The following SFXN5 variants were observed in gnomAD, a reference collection of about 807,000 sequenced individuals.
The protein encoded by SFXN5 is sideroflexin 5, also known as sideroflexin-5.
A neutral mutation model predicts 50.2 loss-of-function variants in SFXN5; 43 were observed. That is an observed-to-expected ratio of 0.86 (90% confidence interval 0.67 to 1.11). The LOEUF is 1.11. Ranked by LOEUF, SFXN5 falls within the 50% of genes least tolerant of loss-of-function variation. SFXN5 has a pLI of 0.00. For missense variants in SFXN5, 463 were observed against 454.1 expected, an observed-to-expected ratio of 1.02 and a Z score of -0.18; for synonymous variants, 203 against 185.8, an observed-to-expected ratio of 1.09 and a Z score of -0.75.
rs1676693779 is a variant in SFXN5, at chr2:73,020,248, C to T, written c.348G>A (p.Gly116=). The part of the protein sequence containing the change: ...PFRMSGYIPF[G]TPIVVGLLLP... ...TGAAGGTAACACTTACAATTGGCGTCCCAAAAGGAATATAACCTGTGAACG... is the reference window on the plus strand; with the variant it reads ...TGAAGGTAACACTTACAATTGGCGTTCCAAAAGGAATATAACCTGTGAACG... The change falls in exon 6 of 14, where the codon GGG becomes GGA. Residue 116 remains glycine (G), a synonymous_variant. Transcript: ENST00000272433. 1.9e-6 allele frequency: 3 copies of T among 1,614,006 alleles called. No homozygotes were observed. The highest frequency in any genetic ancestry group is 2.5e-6 in the Non-Finnish European group (3 of 1,179,918).
rs747949729 is a variant in SFXN5, at chr2:73,000,445, G to C, written c.454C>G (p.Arg152Gly). The C allele has an allele frequency of 6.4e-7, 1 of 1,559,292 alleles. No individual in the cohort carries two copies. The highest frequency in any genetic ancestry group is 8.7e-7 in the Non-Finnish European group (1 of 1,150,324). Residue 152 changes from arginine to glycine, a missense_variant, in exon 8 of 14, where the codon CGC becomes GGC. Transcript: ENST00000272433. The part of the protein sequence containing the change: ...SHNACVNYAN[R>G]NATKPSPASK... Reference sequence around the variant, plus strand: ...GTGATGCTCACCTTGGTCGCATTGCGGTTTGCATAGTTGACACAGGCATTG... The same window carrying C: ...GTGATGCTCACCTTGGTCGCATTGCCGTTTGCATAGTTGACACAGGCATTG...
chr2:72,962,160 G>A (rs966024660), intron 12 of SFXN5, among the ~76,000 whole-genome samples: 1 of 152,246 alleles, frequency 6.6e-6, no homozygotes, highest in Non-Finnish European at 1.5e-5. Context: ...GGGGAGGCCT[G>A]GGATGACTAG....
In SFXN5 at chr2:72,967,853, T is replaced by C. The variant is rs1674626054; in HGVS notation, c.827+595A>G. Reference sequence around the variant, plus strand: ...GCCCCTTCAGTTTCGCACTCATTCATTAATAGAATCACTCCACTACTGTTA... The same window carrying C: ...GCCCCTTCAGTTTCGCACTCATTCACTAATAGAATCACTCCACTACTGTTA... On this transcript the variant is annotated intron_variant, in intron 12 of 13. Coordinates refer to ENST00000272433, the MANE Select transcript of SFXN5 (RefSeq NM_144579.3). Among the ~76,000 whole-genome samples the C allele has an allele frequency of 2.0e-5, 3 of 152,202 alleles. No homozygotes were observed. In the South Asian group the frequency reaches 6.2e-4, roughly 32 times the overall value.
chr2:73,034,698 T>C (rs992295986), intron 3 of SFXN5, among the ~76,000 whole-genome samples: 7 of 152,102 alleles, frequency 4.6e-5, no homozygotes, highest in Admixed American at 4.6e-4. Context: ...ACACTCCCCA[T>C]CACTCCAGTT....
rs987652009 is a variant in SFXN5, at chr2:72,942,686, G to A, written c.*2336C>T. ...CTGTCCCTCTGTCACCCTCACCCTA[G>A]GCTATCTGGATCCTTTGCCACTGCA... On this transcript the variant is annotated 3_prime_UTR_variant, in exon 14 of 14. Coordinates refer to ENST00000272433, the MANE Select transcript of SFXN5 (RefSeq NM_144579.3). 1.3e-5 allele frequency: 2 copies of A among 152,328 alleles called. No homozygotes were observed. Among genetic ancestry groups the A allele is most frequent in the African/African-American group, 4.8e-5 (2 of 41,446 alleles). The allele number at this position is 152,328 out of a possible 1,614,324, so 9.4% of individuals were successfully genotyped here.
At chr2:72,987,639 C>A (rs555516638) in intron 10 of SFXN5, among the ~76,000 whole-genome samples, 2 of 152,086 alleles carry the variant, frequency 1.3e-5, no homozygotes, top group African/African-American at 4.8e-5. Flanking sequence ...CCTGTAATCC[C>A]AGCTACTTGG....
chr2:72,966,433 G>A (rs1674411392), intron 12 of SFXN5, among the ~76,000 whole-genome samples: 1 of 152,150 alleles, frequency 6.6e-6, no homozygotes, highest in South Asian at 2.1e-4. Context: ...CTCAGTTCAC[G>A]AAGGGGCTAC....
intron 7 of SFXN5, among the ~76,000 whole-genome samples, chr2:73,001,321 G>A (rs562498117): frequency 2.1e-4 from 32 of 152,364 alleles, no homozygotes; most frequent in Admixed American, 1.2e-3. Flanking sequence ...ATGGTGGATT[G>A]AGACATGCTG....
chr2:73,009,922 C>G (rs868048023), intron 6 of SFXN5, among the ~76,000 whole-genome samples: 4 of 152,270 alleles, frequency 2.6e-5, no homozygotes, highest in Middle Eastern at 6.8e-3. Flanking sequence ...CTGGCATCTG[C>G]TGGGTTGGCC....
rs1274296663 is a variant in SFXN5, at chr2:73,026,807, C to A, written c.250-3593G>T. ...GCAATGGCACGGTCTTGGCTCACTG[C>A]AACCTCCACCTCCCAGGTTCAAGCG... On this transcript the variant is annotated intron_variant, in intron 3 of 13. Transcript: ENST00000272433. Among the ~76,000 whole-genome samples the A allele has an allele frequency of 2.6e-5, 4 of 152,200 alleles. No homozygotes were observed. The South Asian group carries it at 6.2e-4, about 24-fold the overall frequency.
intron 2 of SFXN5, among the ~76,000 whole-genome samples, chr2:73,054,950 A>T (rs910003264): frequency 1.1e-4 from 17 of 152,242 alleles, no homozygotes; most frequent in African/African-American, 4.1e-4. Context: ...AAGCAACTAA[A>T]ATACCTATGC....
intron 2 of SFXN5, among the ~76,000 whole-genome samples, chr2:73,053,085 G>A (rs1166406592): frequency 5.3e-5 from 8 of 151,820 alleles, no homozygotes; most frequent in Admixed American, 1.3e-4. Context: ...GCTGAAGCAC[G>A]AGAATTGCTT....
chr2:73,008,691 A>C (rs1305531609), intron 6 of SFXN5, among the ~76,000 whole-genome samples: 1 of 152,164 alleles, frequency 6.6e-6, no homozygotes, highest in Non-Finnish European at 1.5e-5. Context: ...AAGATACCTG[A>C]AGAAAGGGAG....
In SFXN5 at chr2:72,960,993, C is replaced by A; in HGVS notation, c.945+138G>T. ...GTGACCCTCACTCTGAGGGCCAGAG[C>A]CTGGGCCAGCCTCATTCACGGTTCC... On this transcript the variant is annotated intron_variant, in intron 13 of 13. Transcript: ENST00000272433. The surrounding 1 kb of genome is among the most constrained non-coding windows in gnomAD (Gnocchi z 6.1). 5.6e-6 allele frequency: 3 copies of A among 540,464 alleles called. No homozygotes were observed. Among genetic ancestry groups the A allele is most frequent in the Non-Finnish European group, 9.1e-6 (3 of 328,326 alleles). The allele number at this position is 540,464 out of a possible 1,614,324, so 33.5% of individuals were successfully genotyped here.
chr2:73,030,292 A>C (rs182726215), intron 3 of SFXN5, among the ~76,000 whole-genome samples: 17 of 152,252 alleles, frequency 1.1e-4, no homozygotes, highest in African/African-American at 4.1e-4. Context: ...AGATCTTTCC[A>C]TATCAGTGCA....
chr2:73,068,548 C>T (rs914278073), intron 1 of SFXN5, among the ~76,000 whole-genome samples: 1 of 152,090 alleles, frequency 6.6e-6, no homozygotes, highest in Admixed American at 6.5e-5. Flanking sequence ...AAAAGTTGGT[C>T]CACCTCCCCA....
rs1226360358 is a variant in SFXN5 at position 72,953,213 on chromosome 2, C to CT, written c.945+7917dup. Among the ~76,000 whole-genome samples, 1 of 152,138 alleles carries CT rather than the reference C, an allele frequency of 6.6e-6. No individual in the cohort carries two copies. The highest frequency in any genetic ancestry group is 1.5e-5 in the Non-Finnish European group (1 of 68,034). Reference sequence around the variant, plus strand: ...GCTTTGCCATTCCCATCCATCCCTCCTGGGGGGTCCTGTGGGCAAACTCCA... The same window carrying CT: ...GCTTTGCCATTCCCATCCATCCCTCCTTGGGGGGTCCTGTGGGCAAACTCCA... On this transcript the variant is annotated intron_variant, in intron 13 of 13. Coordinates refer to ENST00000272433, the MANE Select transcript of SFXN5 (RefSeq NM_144579.3). This position sits in a 1 kb window ranked among gnomAD's most constrained non-coding sequence, Gnocchi z 4.1.
intron 10 of SFXN5, among the ~76,000 whole-genome samples, chr2:72,981,881 G>A (rs945722569): frequency 1.1e-4 from 16 of 152,072 alleles, no homozygotes; most frequent in East Asian, 3.8e-4. Flanking sequence ...TCCTAAAATC[G>A]TAGAGGTGAT....
intron 7 of SFXN5, among the ~76,000 whole-genome samples, chr2:73,001,244 C>T (rs1171053169): frequency 1.3e-5 from 2 of 152,244 alleles, no homozygotes; most frequent in East Asian, 3.8e-4. Flanking sequence ...ACCCCACTGA[C>T]AAGCCAGCAT....
Sources: gnomAD v4.1 joint callset for allele counts (sites outside exome capture counted in the v4.1 genomes callset) on GRCh38, gnomAD v4.1.1 for gene constraint, Gnocchi (gnomAD v3.1) non-coding constraint, MANE v1.5 for transcripts, NCBI Gene and HGNC (gene_info 2026-07-23, HGNC 2026-07-21) for gene names.